PASK: variants seen among roughly 807,000 people sequenced by gnomAD.
PASK encodes PAS domain-containing serine/threonine-protein kinase.
In PASK, 110 loss-of-function variants were observed where a neutral mutation model predicts 121.0. The observed-to-expected ratio is 0.91, with a 90% confidence interval of 0.78 to 1.06. The LOEUF is 1.06. Among genes scored for constraint, PASK ranks in the 50% least tolerant of loss-of-function variants. PASK has a pLI of 0.00. For missense variants in PASK, 1,643 were observed against 1,702.3 expected, an observed-to-expected ratio of 0.97 and a Z score of 0.61; for synonymous variants, 686 against 717.8, an observed-to-expected ratio of 0.96 and a Z score of 0.71.
intron 5 of PASK, among the ~76,000 whole-genome samples, chr2:241,138,293 G>C (rs1244244626): frequency 6.6e-6 from 1 of 152,234 alleles, no homozygotes; most frequent in Non-Finnish European, 1.5e-5. Flanking sequence ...GGGCCTTCTT[G>C]TTCTTCAGGA....
chr2:241,137,906 C>A (rs11696044), intron 6 of PASK, 47 bp downstream of exon 6: 120,724 of 1,606,394 alleles, frequency 0.075, 5,220 homozygotes, highest in South Asian at 0.15. Context: ...GGATTCAGAG[C>A]TAAGAACTCC....
At chr2:241,128,681 A>C (rs2065985096) in intron 9 of PASK, among the ~76,000 whole-genome samples, 1 of 152,180 alleles carries the variant, frequency 6.6e-6, no homozygotes, top group African/African-American at 2.4e-5. Flanking sequence ...AGCCTGGGCA[A>C]CATAGTGAGA....
intron 1 of PASK, among the ~76,000 whole-genome samples, chr2:241,145,204 C>G (rs374723663): frequency 1.6e-4 from 25 of 152,244 alleles, no homozygotes; most frequent in Admixed American, 1.6e-3. Context: ...TGAGCCACCG[C>G]GCCCGGCCGA....
In PASK at chr2:241,119,580, C is replaced by T. The variant is rs182211742; in HGVS notation, c.3072+3152G>A. Among the ~76,000 whole-genome samples the T allele has an allele frequency of 8.2e-3, 1,246 of 152,088 alleles. 7 individuals are homozygous for T. The highest frequency in any genetic ancestry group is 0.013 in the Non-Finnish European group (889 of 67,982). ...CGCCTCCCGGGTTCATGCCATTCTC[C>T]TGCCTCAGCCTCCTGAGTAGCTGGA... On this transcript the variant is annotated intron_variant, in intron 12 of 17. Coordinates refer to ENST00000234040, the MANE Select transcript of PASK (RefSeq NM_015148.4).
At chr2:241,111,823 C>T (rs192681756) in intron 15 of PASK, among the ~76,000 whole-genome samples, 202 of 152,300 alleles carry the variant, frequency 1.3e-3, no homozygotes, top group African/African-American at 4.5e-3. Flanking sequence ...TCCTCTGCCT[C>T]GGGACTTTCT....
chr2:241,149,010 C>A (rs977153305), intron 1 of PASK, among the ~76,000 whole-genome samples: 3 of 151,418 alleles, frequency 2.0e-5, no homozygotes, highest in Non-Finnish European at 4.4e-5. Flanking sequence ...CCGCAGGGAC[C>A]CACACGCCCA....
In PASK at chr2:241,112,601, A is replaced by T; in HGVS notation, c.3334-162T>A. 1.7e-6 allele frequency: 1 copy of T among 605,742 alleles called. No homozygotes were observed. The highest frequency in any genetic ancestry group is 2.9e-6 in the Non-Finnish European group (1 of 346,116). 37.5% of individuals were successfully genotyped at this position (605,742 alleles called of 1,614,324 possible). ...TTTTCAATGCTGAAGATATGATTGG[A>T]AGCAAACAGGAAACAAAGCCCTTCA... On this transcript the variant is annotated intron_variant, in intron 14 of 17. Transcript: ENST00000234040. The surrounding 1 kb of genome is among the most constrained non-coding windows in gnomAD (Gnocchi z 5.2).
In PASK at chr2:241,127,223, C is replaced by G. The variant is rs988878271; in HGVS notation, c.1692G>C (p.Met564Ile). 6.2e-7 allele frequency: 1 copy of G among 1,614,260 alleles called. No homozygotes were observed. Among genetic ancestry groups the G allele is most frequent in the Non-Finnish European group, 8.5e-7 (1 of 1,180,042 alleles). ...GCTGGGCCTTCTGACACAGGCCACA[C>G]ATGCCAGCATCACTGCCCCCATCCT... ...PAEDGGSDAGMCGLCQKAQLE... is the reference protein window; with the variant it reads ...PAEDGGSDAGICGLCQKAQLE... Residue 564 changes from methionine to isoleucine, a missense_variant, in exon 10 of 18, where the codon ATG (methionine) becomes ATC (isoleucine). By Grantham distance (10) the Met-to-Ile change is conservative. Around this residue, in one of 3 missense-constraint regions of PASK, gnomAD observed 1,176 missense variants for 1,162.2 expected, o/e 1.01. Coordinates refer to ENST00000234040, the MANE Select transcript of PASK (RefSeq NM_015148.4).
At chr2:241,124,196 G>A in intron 10 of PASK, 63 bp from the exon 11 acceptor site, 1 of 1,392,032 alleles carries the variant, frequency 7.2e-7, no homozygotes, top group Admixed American at 1.8e-5. Context: ...GCAGCTTTAG[G>A]TTAGAAAAGT....
At chr2:241,115,542 A>AC in intron 12 of PASK, 129 bp from the exon 13 acceptor site, 1 of 1,038,162 alleles carries the variant, frequency 9.6e-7, no homozygotes, top group Non-Finnish European at 1.5e-6. Context: ...ATCCCATTAC[A>AC]CCAGGGCCAC....
At chr2:241,143,989 C>T (rs1181506206) in intron 1 of PASK, among the ~76,000 whole-genome samples, 1 of 152,256 alleles carries the variant, frequency 6.6e-6, no homozygotes, top group African/African-American at 2.4e-5. Flanking sequence ...AGTTCCCTCT[C>T]ATGGTGACAT....
intron 5 of PASK, 105 bp from the exon 6 acceptor site, chr2:241,138,192 T>C (rs1003834806): frequency 5.1e-6 from 6 of 1,178,450 alleles, no homozygotes; most frequent in Admixed American, 2.0e-5. Flanking sequence ...CCAACATGAC[T>C]TCTCCATCGG....
chr2:241,141,387 G>A (rs759286387), intron 2 of PASK, among the ~76,000 whole-genome samples: 4 of 152,076 alleles, frequency 2.6e-5, no homozygotes, highest in African/African-American at 7.2e-5. Flanking sequence ...TGGCTGCCCC[G>A]TCACCTCCTC....
chr2:241,138,161 G>A lies in PASK; in HGVS notation c.742-74C>T, dbSNP rs566995681. On this transcript the variant is annotated intron_variant, in intron 5 of 17. Transcript: ENST00000234040. ...TGTAAATTTAACTAAGCTTCAATAT[G>A]TTCAAGCCAAAAGCAAGACCCCAAC... is the stretch of plus-strand genomic sequence containing the variant. 4,713 of 1,527,146 alleles carry A rather than the reference G, an allele frequency of 3.1e-3. 14 individuals are homozygous for A. The highest frequency in any genetic ancestry group is 4.0e-3 in the Non-Finnish European group (4,435 of 1,114,798). 94.6% of individuals were successfully genotyped at this position (1,527,146 alleles called of 1,614,324 possible).
At chr2:241,113,864 C>T in intron 14 of PASK, 2 of 985,422 alleles carry the variant, frequency 2.0e-6, no homozygotes, top group Non-Finnish European at 2.4e-6. Context: ...AGGCAATGCC[C>T]TGAGAACCAG....
chr2:241,129,318 T>C (rs1421701490), intron 9 of PASK, among the ~76,000 whole-genome samples: 1 of 152,064 alleles, frequency 6.6e-6, no homozygotes, highest in Non-Finnish European at 1.5e-5. Flanking sequence ...CAGTACCCGT[T>C]CTCTCCACAG....
chr2:241,116,260 G>A (rs994581644), intron 12 of PASK, among the ~76,000 whole-genome samples: 7 of 152,196 alleles, frequency 4.6e-5, no homozygotes, highest in Admixed American at 3.9e-4. Flanking sequence ...TAAGTCCCAC[G>A]GACATGAAAG....
At position 241,115,024 on chromosome 2, in the gene PASK, G is replaced by A. The variant is rs200386713; in HGVS notation, c.3333+19C>T. 1.2e-4 allele frequency: 198 copies of A among 1,614,046 alleles called. No individual in the cohort carries two copies. Among genetic ancestry groups the A allele is most frequent in the Middle Eastern group, 3.3e-4 (2 of 6,062 alleles). ...CCCAGGCCTGCGTTCACACTAACAC[G>A]GCTCTGGCCTGCTCTCACTTGTCGG... On this transcript the variant is annotated intron_variant, in intron 14 of 17. Coordinates refer to ENST00000234040, the MANE Select transcript of PASK (RefSeq NM_015148.4).
chr2:241,130,847 A>G (rs547417666), intron 9 of PASK, among the ~76,000 whole-genome samples: 4 of 152,332 alleles, frequency 2.6e-5, no homozygotes, highest in South Asian at 4.1e-4. Context: ...GAAGATCTGC[A>G]GGACATGTGT....
Sources: gnomAD v4.1 joint callset for allele counts (sites outside exome capture counted in the v4.1 genomes callset) on GRCh38, gnomAD v4.1.1 for gene constraint, gnomAD v4.1.1 regional missense constraint, Gnocchi (gnomAD v3.1) non-coding constraint, MANE v1.5 for transcripts, NCBI Gene and HGNC (gene_info 2026-07-23, HGNC 2026-07-21) for gene names.